The following CNTN4 variants were observed in gnomAD, a reference collection of about 807,000 sequenced individuals.
CNTN4 encodes the protein contactin 4.
Under a neutral mutation model 122.5 loss-of-function variants are expected in CNTN4, and 77 were observed. That is an observed-to-expected ratio of 0.63 (90% CI 0.52 to 0.76). The LOEUF (loss-of-function observed/expected upper bound fraction) is 0.76, where lower values mean the gene tolerates loss of function less well. CNTN4 is among the 30% of genes least tolerant of loss of function. The pLI, the probability that CNTN4 is intolerant of heterozygous loss-of-function variation, is 0.00. For synonymous variants in CNTN4, 512 were observed against 447.0 expected, an observed-to-expected ratio of 1.15 and a Z score of -1.83; for missense variants, 1,256 against 1,259.1, an observed-to-expected ratio of 1.00 and a Z score of 0.04.
intron 3 of CNTN4, among the ~76,000 whole-genome samples, chr3:2,565,269 G>A (rs1262311601): frequency 6.6e-6 from 1 of 151,942 alleles, no homozygotes; most frequent in East Asian, 1.9e-4. Flanking sequence ...CAGATGCTTG[G>A]GACAAATAAT....
chr3:2,564,114 G>T (rs2079061173), intron 3 of CNTN4, among the ~76,000 whole-genome samples: 1 of 152,072 alleles, frequency 6.6e-6, no homozygotes, highest in African/African-American at 2.4e-5. Flanking sequence ...AAAAAATCAA[G>T]AAATAGTAGT....
chr3:2,462,016 TG>T (rs1443768632), intron 3 of CNTN4, among the ~76,000 whole-genome samples: 1 of 152,118 alleles, frequency 6.6e-6, no homozygotes, highest in Admixed American at 6.5e-5. Flanking sequence ...ATCACAACTT[TG>T]GGGGAGGGGA....
intron 2 of CNTN4, among the ~76,000 whole-genome samples, chr3:2,248,304 G>A (rs550508590): frequency 3.9e-4 from 59 of 151,990 alleles, no homozygotes; most frequent in African/African-American, 1.3e-3. Context: ...AATTGCTTTG[G>A]TTTGTGTCTA....
chr3:2,610,689 T>C (rs1175198356), intron 4 of CNTN4, among the ~76,000 whole-genome samples: 1 of 152,204 alleles, frequency 6.6e-6, no homozygotes, highest in East Asian at 1.9e-4. Flanking sequence ...TTTTAATTTG[T>C]GTTAGTTTGA....
intron 13 of CNTN4, among the ~76,000 whole-genome samples, chr3:2,958,350 A>T (rs1032908249): frequency 6.6e-6 from 1 of 152,178 alleles, no homozygotes; most frequent in African/African-American, 2.4e-5. Flanking sequence ...AATCAAAATG[A>T]CCCAGGCAAG....
chr3:2,359,731 G>A (rs1406244835), intron 3 of CNTN4, among the ~76,000 whole-genome samples: 1 of 152,092 alleles, frequency 6.6e-6, no homozygotes, highest in Admixed American at 6.6e-5. Context: ...AGTAGAGACA[G>A]GGTTTCATCG....
At chr3:2,522,483 A>C (rs1405073924) in intron 3 of CNTN4, among the ~76,000 whole-genome samples, 1 of 152,124 alleles carries the variant, frequency 6.6e-6, no homozygotes, top group East Asian at 1.9e-4. Flanking sequence ...ACTTTGGATC[A>C]TAATTAATTT....
At chr3:3,053,116 C>T (rs1430557162) in intron 23 of CNTN4, among the ~76,000 whole-genome samples, 3 of 152,230 alleles carry the variant, frequency 2.0e-5, no homozygotes, top group Non-Finnish European at 2.9e-5. Flanking sequence ...CTCACTGCAA[C>T]GTCTGCCTCC....
intron 12 of CNTN4, among the ~76,000 whole-genome samples, chr3:2,915,226 T>C (rs756874586): frequency 1.3e-5 from 2 of 152,138 alleles, no homozygotes; most frequent in Non-Finnish European, 2.9e-5. Context: ...CCAACATGGC[T>C]GGCTAATTTT....
At chr3:2,926,887 A>C (rs772870529) in intron 13 of CNTN4, among the ~76,000 whole-genome samples, 1 of 152,198 alleles carries the variant, frequency 6.6e-6, no homozygotes, top group Non-Finnish European at 1.5e-5. Flanking sequence ...AGTTCATTGA[A>C]TGTTGACATG....
intron 7 of CNTN4, among the ~76,000 whole-genome samples, chr3:2,836,886 G>A (rs2093238392): frequency 6.6e-6 from 1 of 151,982 alleles, no homozygotes; most frequent in South Asian, 2.1e-4. Flanking sequence ...TGCATGTTCT[G>A]CACATGTATC....
At chr3:2,590,490 C>A (rs2600299) in intron 4 of CNTN4, among the ~76,000 whole-genome samples, 84,553 of 151,384 alleles carry the variant, frequency 0.56, 24,994 homozygotes, top group Non-Finnish European at 0.66. Context: ...CTCCTAACCT[C>A]AAGTGATCTG....
chr3:2,619,515 T>C (rs1187437722), intron 4 of CNTN4, among the ~76,000 whole-genome samples: 1 of 152,216 alleles, frequency 6.6e-6, no homozygotes, highest in East Asian at 1.9e-4. Context: ...TGTTATCTCT[T>C]AGAGTCTTTC....
intron 4 of CNTN4, among the ~76,000 whole-genome samples, chr3:2,587,080 T>C (rs2080236802): frequency 6.6e-6 from 1 of 152,234 alleles, no homozygotes. Flanking sequence ...GTTTTGATTA[T>C]GTTTGTTTAA....
At chr3:2,757,690 G>T (rs1228394129) in intron 6 of CNTN4, among the ~76,000 whole-genome samples, 1 of 152,164 alleles carries the variant, frequency 6.6e-6, no homozygotes, top group Non-Finnish European at 1.5e-5. Flanking sequence ...CACCATGCTA[G>T]CTAGTTTTTA....
In CNTN4 at chr3:2,845,618, A is replaced by G. The variant is rs138767337; in HGVS notation, c.455-21134A>G. Reference sequence around the variant, plus strand: ...AAGCGGGTTTTTCACATGGTTTGAAAACAGTTTTCAAGAGTAGAGATTGCA... The same window carrying G: ...AAGCGGGTTTTTCACATGGTTTGAAGACAGTTTTCAAGAGTAGAGATTGCA... On this transcript the variant is annotated intron_variant, in intron 7 of 24. Transcript: ENST00000418658. Among the ~76,000 whole-genome samples the G allele has an allele frequency of 2.9e-3, 443 of 152,314 alleles. 5 individuals carry two copies. The highest frequency in any genetic ancestry group is 0.01 in the African/African-American group (428 of 41,566).
chr3:2,773,779 G>A lies in CNTN4; in HGVS notation c.358+28082G>A, dbSNP rs538045256. On this transcript the variant is annotated intron_variant, in intron 6 of 24. Coordinates refer to ENST00000418658, the MANE Select transcript of CNTN4 (RefSeq NM_175607.3). The stretch of plus-strand genomic sequence containing the variant: ...GTAGTAGACTTTTTTTTTTTTTTTT[G>A]AGACGGAGTCTCCCTCTGTCTCCCA... Among the ~76,000 whole-genome samples the A allele has an allele frequency of 6.5e-3, 126 of 19,282 alleles. 2 individuals carry two copies. Among genetic ancestry groups the A allele is most frequent in the African/African-American group, 0.019 (117 of 6,128 alleles). The allele number at this position is 19,282 out of a possible 152,430, so 12.6% of individuals were successfully genotyped here.
intron 3 of CNTN4, among the ~76,000 whole-genome samples, chr3:2,416,427 AT>A (rs1410716512): frequency 6.6e-6 from 1 of 152,200 alleles, no homozygotes; most frequent in Non-Finnish European, 1.5e-5. Context: ...TAATTTAAAT[AT>A]ACAGAAATGA....
At chr3:2,915,494 A>G (rs1478884743) in intron 12 of CNTN4, among the ~76,000 whole-genome samples, 2 of 152,220 alleles carry the variant, frequency 1.3e-5, no homozygotes, top group Admixed American at 1.3e-4. Context: ...TTATTTATTT[A>G]CTTACTTATT....
Sources: allele counts gnomAD v4.1 joint callset (sites outside exome capture counted in the v4.1 genomes callset), GRCh38; gene constraint gnomAD v4.1.1; transcripts MANE v1.5; gene names NCBI Gene and HGNC (gene_info 2026-07-23, HGNC 2026-07-21).